Variants in RBFOX1 observed in about 807,000 individuals in gnomAD.
RBFOX1 encodes the protein RNA binding protein fox-1 homolog 1.
RBFOX1 carries 8 observed loss-of-function variants against 57.7 expected under a neutral mutation model. The observed-to-expected ratio is 0.14, with a 90% confidence interval of 0.08 to 0.25. The LOEUF is 0.25. RBFOX1 is among the 10% of genes least tolerant of loss of function. The probability of loss-of-function intolerance (pLI) is 1.00; values close to 1 mark genes in which losing one functional copy is unlikely to be tolerated. For synonymous variants in RBFOX1, 326 were observed against 222.4 expected (o/e 1.47, Z -4.15); for missense variants, 611 against 548.5 (o/e 1.11, Z -1.14).
At position 6,335,496 on chromosome 16, in the gene RBFOX1, C is replaced by G. The variant is rs558540856; in HGVS notation, c.-64+18439C>G. ...TGCAGTAAATATGAAAATAAAAAAT[C>G]AGGCCGGGCGCGGTGGTTCACGCCT... On this transcript the variant is annotated intron_variant, in intron 2 of 15. Coordinates refer to ENST00000550418, the MANE Select transcript of RBFOX1 (RefSeq NM_018723.4). Among the ~76,000 whole-genome samples the G allele has an allele frequency of 2.6e-5, 4 of 152,030 alleles. 1 individual carries two copies. Among genetic ancestry groups the G allele is most frequent in the African/African-American group, 7.2e-5 (3 of 41,498 alleles).
chr16:6,539,151 G>C (rs959001610), intron 2 of RBFOX1, among the ~76,000 whole-genome samples: 1 of 151,726 alleles, frequency 6.6e-6, no homozygotes, highest in East Asian at 1.9e-4. Flanking sequence ...TTTGCCCATG[G>C]TATGACTGTT....
chr16:5,501,430 G>A lies in RBFOX1; in HGVS notation c.258+34176G>A, dbSNP rs986692368. 4.0e-5 allele frequency among the ~76,000 whole-genome samples: 6 copies of A among 151,802 alleles called. No individual in the cohort carries two copies. In the South Asian group the frequency reaches 1.0e-3, roughly 26 times the overall value. On this transcript the variant is annotated intron_variant, in intron 2 of 2. Coordinates refer to the RBFOX1 transcript ENST00000585867. ...TGAATAGCAGACAAACTATGCGGAC[G>A]CCCTGTCGATCTAGTGGAAGGGTTG...
Position 7,607,333 on chromosome 16 carries a change from A to G in RBFOX1, c.671A>G (p.Tyr224Cys). The change falls in exon 10 of 16, where the codon TAT becomes TGT. Residue 224 changes from tyrosine (Y) to cysteine (C), a missense_variant. By Grantham distance (194) the Tyr-to-Cys change is radical. Transcript: ENST00000550418. ...GGTGCAGTCTACAGTCCCGAATTCT[A>G]TGCAGGTACAGAGTTTCTCTTTGCA... Reference protein sequence around the residue: ...VVGAVYSPEFYAGTVLLCQAN... With the variant: ...VVGAVYSPEFCAGTVLLCQAN... The G allele has an allele frequency of 1.2e-6, 2 of 1,610,684 alleles. No individual in the cohort carries two copies. The highest frequency in any genetic ancestry group is 1.1e-5 in the South Asian group (1 of 89,782).
chr16:5,650,496 G>A (rs1289348039), intron 3 of RBFOX1, among the ~76,000 whole-genome samples: 2 of 152,146 alleles, frequency 1.3e-5, no homozygotes, highest in African/African-American at 2.4e-5. Flanking sequence ...GCTATTAAAC[G>A]GGAGTGTGAT....
intron 3 of RBFOX1, among the ~76,000 whole-genome samples, chr16:5,689,731 C>A (rs1225957936): frequency 2.7e-5 from 4 of 149,946 alleles, no homozygotes; most frequent in Non-Finnish European, 5.9e-5. Flanking sequence ...CTTTTAGGAA[C>A]AAGGAATACA....
intron 3 of RBFOX1, among the ~76,000 whole-genome samples, chr16:7,019,635 T>G (rs1259756712): frequency 7.9e-6 from 1 of 126,678 alleles, no homozygotes; most frequent in Admixed American, 7.3e-5. Context: ...TGATCAGGGC[T>G]GTGATTCCTA....
intron 4 of RBFOX1, among the ~76,000 whole-genome samples, chr16:7,492,803 G>A (rs2067350594): frequency 6.6e-6 from 1 of 152,088 alleles, no homozygotes; most frequent in Non-Finnish European, 1.5e-5. Context: ...CATGTGACAT[G>A]CCTGCTTCTG....
intron 4 of RBFOX1, among the ~76,000 whole-genome samples, chr16:7,403,603 A>G (rs988744475): frequency 2.2e-5 from 3 of 135,356 alleles, no homozygotes; most frequent in African/African-American, 5.4e-5. Flanking sequence ...CTGGAGTGCA[A>G]TGGCACAATC....
rs577215353 is a variant in RBFOX1, at chr16:7,147,482, C to G, written c.27+95384C>G. ...CCCCGGCCTTCCCACTCCCCTGCAT[C>G]TCATAGTCTCCAGTGTCTTTTGCTC... On this transcript the variant is annotated intron_variant, in intron 4 of 15. Transcript: ENST00000550418. Among the ~76,000 whole-genome samples, 19 of 152,116 alleles carry G rather than the reference C, an allele frequency of 1.2e-4. No homozygotes were observed. The South Asian group carries it at 3.7e-3, about 30-fold the overall frequency.
intron 4 of RBFOX1, among the ~76,000 whole-genome samples, chr16:5,924,752 C>G (rs117890564): frequency 6.9e-4 from 105 of 152,294 alleles, no homozygotes; most frequent in South Asian, 3.3e-3. Flanking sequence ...TTCCAGGAAT[C>G]ATTCTGACCA....
chr16:6,735,820 A>T (rs1346139077), intron 3 of RBFOX1, among the ~76,000 whole-genome samples: 12 of 152,182 alleles, frequency 7.9e-5, no homozygotes, highest in African/African-American at 2.9e-4. Flanking sequence ...ACATGAGGAA[A>T]TGAATCCTTG....
chr16:7,380,397 A>G (rs2097765363), intron 4 of RBFOX1, among the ~76,000 whole-genome samples: 2 of 152,226 alleles, frequency 1.3e-5, no homozygotes. Context: ...TATATGCTTA[A>G]TATAAATGAC....
intron 2 of RBFOX1, among the ~76,000 whole-genome samples, chr16:6,597,640 C>G (rs956374356): frequency 3.3e-5 from 5 of 152,136 alleles, no homozygotes; most frequent in African/African-American, 1.2e-4. Context: ...CACCATTGCA[C>G]TCCAGCTTGG....
At chr16:6,051,403 C>T (rs1357723925) in intron 1 of RBFOX1, among the ~76,000 whole-genome samples, 3 of 152,128 alleles carry the variant, frequency 2.0e-5, no homozygotes, top group Non-Finnish European at 4.4e-5. Flanking sequence ...TATTGGCTTA[C>T]TGCAACCTCT....
At chr16:7,007,717 A>G (rs1384451770) in intron 3 of RBFOX1, among the ~76,000 whole-genome samples, 3 of 152,136 alleles carry the variant, frequency 2.0e-5, no homozygotes, top group Non-Finnish European at 4.4e-5. Flanking sequence ...TCTTGACTAT[A>G]CAGGGTAAAC....
At chr16:5,757,880 A>G (rs1010945178) in intron 3 of RBFOX1, among the ~76,000 whole-genome samples, 4 of 152,142 alleles carry the variant, frequency 2.6e-5, no homozygotes, top group Non-Finnish European at 4.4e-5. Flanking sequence ...GTCTCAAGCA[A>G]TGAGAAGCTC....
intron 1 of RBFOX1, among the ~76,000 whole-genome samples, chr16:5,364,485 AC>A (rs1360936490): frequency 1.3e-5 from 2 of 152,188 alleles, no homozygotes; most frequent in Admixed American, 1.3e-4. Flanking sequence ...AGAGGAACTT[AC>A]TTTCTTGGTT....
chr16:6,893,699 A>G (rs1225954849), intron 3 of RBFOX1, among the ~76,000 whole-genome samples: 1 of 152,230 alleles, frequency 6.6e-6, no homozygotes, highest in Non-Finnish European at 1.5e-5. Flanking sequence ...TGGAAACTAA[A>G]ATATCTTTTC....
chr16:5,662,918 G>C (rs1320753459), intron 3 of RBFOX1, among the ~76,000 whole-genome samples: 2 of 152,184 alleles, frequency 1.3e-5, no homozygotes, highest in South Asian at 2.1e-4. Flanking sequence ...TCATGTAGCT[G>C]GGATAGTGCT....
Sources: allele counts gnomAD v4.1 joint callset (sites outside exome capture counted in the v4.1 genomes callset), GRCh38; gene constraint gnomAD v4.1.1; transcripts MANE v1.5; gene names NCBI Gene and HGNC (gene_info 2026-07-23, HGNC 2026-07-21).